Variants in SPINK2 observed in about 807,000 individuals in gnomAD.
SPINK2 encodes serine protease inhibitor Kazal-type 2.
Under a neutral mutation model 13.5 loss-of-function variants are expected in SPINK2, and 8 were observed. The ratio of observed to expected loss-of-function variants is 0.59; its 90% CI spans 0.35 to 1.07. The LOEUF is 1.07. SPINK2 is among the 50% of genes least tolerant of loss of function. SPINK2 has a pLI of 0.02. For synonymous variants in SPINK2, 76 were observed against 74.7 expected (o/e 1.02, Z -0.09); for missense variants, 148 against 180.3 (o/e 0.82, Z 1.03).
At chr4:56,817,540 T>C (rs1328001786) in intron 2 of SPINK2, among the ~76,000 whole-genome samples, 3 of 152,162 alleles carry the variant, frequency 2.0e-5, no homozygotes, top group Admixed American at 1.3e-4. Flanking sequence ...TTCCTCATTT[T>C]GAAACTTACT....
Position 56,820,527 on chromosome 4 carries a change from G to T in SPINK2, c.249+9C>A. 1 of 1,605,826 alleles carries T rather than the reference G, an allele frequency of 6.2e-7. No homozygotes were observed. Among genetic ancestry groups the T allele is most frequent in the Non-Finnish European group, 8.5e-7 (1 of 1,173,100 alleles). On this transcript the variant is annotated intron_variant, in intron 2 of 3. Coordinates refer to ENST00000506738, the MANE Select transcript of SPINK2 (RefSeq NM_001271718.2). ...TTAGTAGAAACAGTAGAAGTGGTTT[G>T]CTACTTACCGTTCTATATTTTGAAA...
intron 2 of SPINK2, among the ~76,000 whole-genome samples, chr4:56,819,620 T>C (rs1435088375): frequency 3.6e-5 from 3 of 83,500 alleles, no homozygotes; most frequent in African/African-American, 1.5e-4. Context: ...TTTTCTTTCT[T>C]TTTTTTTTTT....
intron 2 of SPINK2, among the ~76,000 whole-genome samples, chr4:56,812,520 A>C (rs1036964663): frequency 9.0e-5 from 12 of 132,934 alleles, no homozygotes; most frequent in African/African-American, 3.2e-4. Context: ...ACGCCATTGC[A>C]CTCCAACCCT....
At position 56,810,196 on chromosome 4, in the gene SPINK2, A is replaced by G. The variant is rs1716864130; in HGVS notation, c.360-12T>C. The G allele has an allele frequency of 6.2e-7, 1 of 1,602,634 alleles. No individual in the cohort carries two copies. The highest frequency in any genetic ancestry group is 8.5e-7 in the Non-Finnish European group (1 of 1,172,514). On this transcript the variant is annotated splice_polypyrimidine_tract_variant and intron_variant, in intron 3 of 3. Transcript: ENST00000506738. ...TATGACCACCTTCCCTGCAAATTGA[A>G]CAATCATAGAAATACATTTATTACC...
chr4:56,819,818 T>C lies in SPINK2; in HGVS notation c.249+718A>G, dbSNP rs1717780216. 2.6e-5 allele frequency among the ~76,000 whole-genome samples: 4 copies of C among 152,092 alleles called. No individual in the cohort carries two copies. The South Asian group carries it at 8.3e-4, about 32-fold the overall frequency. On this transcript the variant is annotated intron_variant, in intron 2 of 3. Coordinates refer to ENST00000506738, the MANE Select transcript of SPINK2 (RefSeq NM_001271718.2). ...TTTTAGTACAGACGGGGTTTCACCA[T>C]GTTAGCCAGCATGGTCTTGATTTCC...
intron 1 of SPINK2, 61 bp downstream of exon 1, chr4:56,821,397 C>A: frequency 6.9e-7 from 1 of 1,448,178 alleles, no homozygotes. Flanking sequence ...CAAGCAAGAA[C>A]TAAAGAGGGT....
Position 56,821,701 on chromosome 4 carries a change from T to C in SPINK2, c.-39A>G, listed in dbSNP as rs747271101. On this transcript the variant is annotated 5_prime_UTR_variant, in exon 1 of 4. Transcript: ENST00000506738. Reference sequence around the variant, plus strand: ...CGGCTGTCTTGCCCCTGCGGTCTGTTACCTGCGCCACTCGCAGGGAGCGCT... The same window carrying C: ...CGGCTGTCTTGCCCCTGCGGTCTGTCACCTGCGCCACTCGCAGGGAGCGCT... 628 of 1,429,118 alleles carry C rather than the reference T, an allele frequency of 4.4e-4. 1 individual carries two copies. Among genetic ancestry groups the C allele is most frequent in the Non-Finnish European group, 5.5e-4 (599 of 1,097,202 alleles). 88.5% of individuals were successfully genotyped at this position (1,429,118 alleles called of 1,614,324 possible).
intron 2 of SPINK2, among the ~76,000 whole-genome samples, chr4:56,820,107 T>C (rs1717808396): frequency 6.6e-6 from 1 of 152,148 alleles, no homozygotes; most frequent in Admixed American, 6.6e-5. Flanking sequence ...AGCCATTCCT[T>C]TTTTCCACTA....
At chr4:56,819,234 C>T (rs11133460) in intron 2 of SPINK2, among the ~76,000 whole-genome samples, 45,984 of 151,950 alleles carry the variant, frequency 0.3, 7,353 homozygotes, top group East Asian at 0.62. Context: ...TGTGTGTATA[C>T]ATATCTACAT....
At chr4:56,817,151 G>A (rs1284403862) in intron 2 of SPINK2, among the ~76,000 whole-genome samples, 3 of 152,198 alleles carry the variant, frequency 2.0e-5, no homozygotes, top group South Asian at 2.1e-4. Context: ...GCAGTGAGCC[G>A]AGATCATGCC....
intron 3 of SPINK2, chr4:56,810,530 C>T (rs1716893179): frequency 8.5e-6 from 2 of 234,020 alleles, no homozygotes; most frequent in Non-Finnish European, 1.6e-5. Flanking sequence ...TGGTGAATCC[C>T]CACCTCTACT....
In SPINK2 at chr4:56,809,978, T is replaced by C. The variant is rs1716843573; in HGVS notation, c.*161A>G. On this transcript the variant is annotated 3_prime_UTR_variant, in exon 4 of 4. Transcript: ENST00000506738. ...AAGGATTCTTTTTTTCTTTAAATTA[T>C]CCATCACTACACATGGCTGTCTTCC... 1 of 1,482,484 alleles carries C rather than the reference T, an allele frequency of 6.7e-7. No individual in the cohort carries two copies. Among genetic ancestry groups the C allele is most frequent in the Admixed American group, 3.2e-5 (1 of 31,586 alleles). The allele number at this position is 1,482,484 out of a possible 1,614,324, so 91.8% of individuals were successfully genotyped here.
In SPINK2 at chr4:56,810,094, C is replaced by A; in HGVS notation, c.*45G>T. On this transcript the variant is annotated 3_prime_UTR_variant, in exon 4 of 4. Coordinates refer to ENST00000506738, the MANE Select transcript of SPINK2 (RefSeq NM_001271718.2). ...GGGGAAATGCAATTTATCTAGTCTGCCAGTGAAGGTGGTCTCTCCATCTTC... is the reference window on the plus strand; with the variant it reads ...GGGGAAATGCAATTTATCTAGTCTGACAGTGAAGGTGGTCTCTCCATCTTC... 2 of 1,573,856 alleles carry A rather than the reference C, an allele frequency of 1.3e-6. No homozygotes were observed. The highest frequency in any genetic ancestry group is 1.2e-5 in the South Asian group (1 of 84,636).
chr4:56,821,469 T>A lies in SPINK2; in HGVS notation c.194A>T (p.Glu65Val). The change falls in exon 1 of 4, where the codon GAG (glutamate) becomes GTG (valine). Residue 65 changes from glutamate (E) to valine (V), a missense_variant. Coordinates refer to ENST00000506738, the MANE Select transcript of SPINK2 (RefSeq NM_001271718.2). ...TCGCGTTCCTCCACCTGGCAGGTCC[T>A]CTGGGGAACCGCCAGTAACGGGCGC... Reference protein sequence around the residue: ...TRAPVTGGSPEDLPASLIPQF... With the variant: ...TRAPVTGGSPVDLPASLIPQF... The A allele has an allele frequency of 1.3e-6, 2 of 1,527,924 alleles. No individual in the cohort carries two copies. The allele number at this position is 1,527,924 out of a possible 1,614,324, so 94.6% of individuals were successfully genotyped here. A position where few individuals can be genotyped will look rare whatever the true frequency, so the allele number is the denominator to read the frequency against.
intron 2 of SPINK2, among the ~76,000 whole-genome samples, chr4:56,817,000 G>A (rs1487363752): frequency 2.6e-5 from 4 of 151,786 alleles, no homozygotes; most frequent in Admixed American, 6.6e-5. Context: ...TCAGGAGTTC[G>A]AGACCAGCCT....
At chr4:56,813,445 T>C (rs1486966010) in intron 2 of SPINK2, among the ~76,000 whole-genome samples, 1 of 152,142 alleles carries the variant, frequency 6.6e-6, no homozygotes, top group African/African-American at 2.4e-5. Context: ...TACTAGTCCA[T>C]GGCCTGTTAG....
At chr4:56,811,937 CTTT>C (rs375969300) in intron 2 of SPINK2, 143 bp from the exon 3 acceptor site, 1,075 of 173,314 alleles carry the variant, frequency 6.2e-3, no homozygotes, top group Middle Eastern at 0.016. Flanking sequence ...AAAATTTTTT[CTTT>C]TTTTTTTTTT....
chr4:56,815,738 G>T (rs1303228499), intron 2 of SPINK2, among the ~76,000 whole-genome samples: 1 of 147,796 alleles, frequency 6.8e-6, no homozygotes, highest in East Asian at 2.0e-4. Flanking sequence ...ACACAATCTT[G>T]TTATATAGAA....
chr4:56,815,984 T>C (rs1717416503), intron 2 of SPINK2, among the ~76,000 whole-genome samples: 1 of 151,954 alleles, frequency 6.6e-6, no homozygotes, highest in Non-Finnish European at 1.5e-5. Context: ...GTGTGTGTAG[T>C]CCTAGCTTCT....
Sources: allele counts gnomAD v4.1 joint callset (sites outside exome capture counted in the v4.1 genomes callset), GRCh38; gene constraint gnomAD v4.1.1; transcripts MANE v1.5; gene names NCBI Gene and HGNC (gene_info 2026-07-23, HGNC 2026-07-21).